MGMT: variants seen among roughly 807,000 people sequenced by gnomAD.
MGMT encodes the protein methylated-DNA--protein-cysteine methyltransferase.
In MGMT, 14 loss-of-function variants were observed where a neutral mutation model predicts 15.9. The ratio of observed to expected loss-of-function variants is 0.88; its 90% CI spans 0.58 to 1.37. The LOEUF (loss-of-function observed/expected upper bound fraction) is 1.37, where lower values mean the gene tolerates loss of function less well. Ranked by LOEUF, MGMT falls within the 40% of genes most tolerant of loss-of-function variation. The pLI is 0.00. For missense variants in MGMT, 282 were observed against 268.1 expected, an observed-to-expected ratio of 1.05 and a Z score of -0.36; for synonymous variants, 130 against 118.2, an observed-to-expected ratio of 1.10 and a Z score of -0.65.
intron 2 of MGMT, among the ~76,000 whole-genome samples, chr10:129,546,750 A>G (rs1420645897): frequency 6.6e-6 from 1 of 152,184 alleles, no homozygotes; most frequent in South Asian, 2.1e-4. Flanking sequence ...CACTGACGTC[A>G]GATCTTCTTC....
chr10:129,468,710 C>A (rs991570279), intron 1 of MGMT, among the ~76,000 whole-genome samples: 1 of 151,976 alleles, frequency 6.6e-6, no homozygotes, highest in East Asian at 1.9e-4. Context: ...CATGGTGAAA[C>A]CCAGTTTCTA....
chr10:129,574,179 A>C (rs949280200), intron 2 of MGMT, among the ~76,000 whole-genome samples: 3 of 152,230 alleles, frequency 2.0e-5, no homozygotes, highest in African/African-American at 7.2e-5. Flanking sequence ...AAATAGTTTG[A>C]GCCTCACCTA....
chr10:129,624,048 G>A (rs192238940), intron 2 of MGMT, among the ~76,000 whole-genome samples: 3 of 152,252 alleles, frequency 2.0e-5, no homozygotes, highest in African/African-American at 4.8e-5. Context: ...GTCTGAGTTC[G>A]ATGGGGCCTC....
intron 2 of MGMT, among the ~76,000 whole-genome samples, chr10:129,693,174 A>G (rs1455708134): frequency 6.6e-6 from 1 of 152,224 alleles, no homozygotes; most frequent in African/African-American, 2.4e-5. Flanking sequence ...GGAAAGGAGA[A>G]CTGATGCGAA....
chr10:129,511,137 ACG>A (rs1445627549), intron 1 of MGMT, among the ~76,000 whole-genome samples: 2 of 143,464 alleles, frequency 1.4e-5, no homozygotes, highest in Non-Finnish European at 3.0e-5. Context: ...AGATGCAGGC[ACG>A]TGCTTCATGT....
intron 3 of MGMT, among the ~76,000 whole-genome samples, chr10:129,737,248 G>T (rs1309185848): frequency 1.3e-5 from 2 of 152,148 alleles, no homozygotes; most frequent in African/African-American, 4.8e-5. Context: ...CTTGGAGGCT[G>T]TGCGCGTTTC....
At position 129,676,194 on chromosome 10, in the gene MGMT, C is replaced by T. The variant is rs143495541; in HGVS notation, c.126-31701C>T. On this transcript the variant is annotated intron_variant, in intron 2 of 4. Transcript: ENST00000651593. ...AAGGCTGGACTCACCCCCGCCTTTCCCCAGGGCATTGGGCCGGATGTTACT... is the reference window on the plus strand; with the variant it reads ...AAGGCTGGACTCACCCCCGCCTTTCTCCAGGGCATTGGGCCGGATGTTACT... 8.5e-4 allele frequency among the ~76,000 whole-genome samples: 130 copies of T among 152,344 alleles called. No individual in the cohort carries two copies. In the Middle Eastern group the frequency reaches 0.014, roughly 16 times the overall value.
At chr10:129,616,295 A>G (rs1847025673) in intron 2 of MGMT, among the ~76,000 whole-genome samples, 1 of 152,204 alleles carries the variant, frequency 6.6e-6, no homozygotes, top group Non-Finnish European at 1.5e-5. Flanking sequence ...TGCGATGCTC[A>G]TCGTGAAGAT....
rs149564615 is a variant in MGMT at position 129,691,593 on chromosome 10, C to T, written c.126-16302C>T. Reference sequence around the variant, plus strand: ...GGGAGCAGAGAGGCTTGAAAATAAACGGCGGTGGCCGGGGGGAGCACAAAG... The same window carrying T: ...GGGAGCAGAGAGGCTTGAAAATAAATGGCGGTGGCCGGGGGGAGCACAAAG... On this transcript the variant is annotated intron_variant, in intron 2 of 4. Coordinates refer to ENST00000651593, the MANE Select transcript of MGMT (RefSeq NM_002412.5). Among the ~76,000 whole-genome samples the T allele has an allele frequency of 6.5e-3, 997 of 152,224 alleles. 14 individuals carry two copies. Among genetic ancestry groups the T allele is most frequent in the African/African-American group, 0.023 (943 of 41,546 alleles).
At chr10:129,487,371 G>C (rs1170744685) in intron 1 of MGMT, among the ~76,000 whole-genome samples, 5 of 152,128 alleles carry the variant, frequency 3.3e-5, no homozygotes. Flanking sequence ...GGAAGTAAAG[G>C]AGAAAATGGG....
At chr10:129,587,883 T>C (rs1846635644) in intron 2 of MGMT, among the ~76,000 whole-genome samples, 1 of 152,240 alleles carries the variant, frequency 6.6e-6, no homozygotes, top group African/African-American at 2.4e-5. Context: ...TATTCTTTTA[T>C]GCTTTTCTTG....
intron 2 of MGMT, among the ~76,000 whole-genome samples, chr10:129,562,165 C>G (rs2119811314): frequency 6.6e-6 from 1 of 152,294 alleles, no homozygotes; most frequent in Admixed American, 6.5e-5. Flanking sequence ...ATATACCATT[C>G]ATGACCAAAA....
At chr10:129,584,753 G>T (rs1377426158) in intron 2 of MGMT, among the ~76,000 whole-genome samples, 1 of 152,156 alleles carries the variant, frequency 6.6e-6, no homozygotes, top group Non-Finnish European at 1.5e-5. Flanking sequence ...GGCCTTTTGT[G>T]CCTGGTTCCT....
intron 2 of MGMT, among the ~76,000 whole-genome samples, chr10:129,706,092 C>A (rs989733898): frequency 6.6e-6 from 1 of 152,230 alleles, no homozygotes; most frequent in Non-Finnish European, 1.5e-5. Flanking sequence ...CCCCAGCCCC[C>A]ACCAGTCACA....
At chr10:129,480,707 G>A (rs555193555) in intron 1 of MGMT, among the ~76,000 whole-genome samples, 8 of 152,116 alleles carry the variant, frequency 5.3e-5, no homozygotes, top group East Asian at 1.9e-4. Context: ...GCAAGATCCC[G>A]TCTCTACAAA....
intron 2 of MGMT, among the ~76,000 whole-genome samples, chr10:129,583,291 A>T (rs1277829193): frequency 6.6e-6 from 1 of 152,244 alleles, no homozygotes; most frequent in Non-Finnish European, 1.5e-5. Flanking sequence ...TAAAATCAAC[A>T]TAAAAATAAA....
chr10:129,596,857 A>G (rs547002148), intron 2 of MGMT, among the ~76,000 whole-genome samples: 1 of 152,276 alleles, frequency 6.6e-6, no homozygotes, highest in South Asian at 2.1e-4. Context: ...GATGATAGCC[A>G]GGAAAGAGAG....
intron 2 of MGMT, among the ~76,000 whole-genome samples, chr10:129,609,195 A>G (rs944754944): frequency 2.0e-5 from 3 of 152,284 alleles, no homozygotes; most frequent in East Asian, 1.9e-4. Flanking sequence ...GAGGTTGTCT[A>G]CAGCCTTTCT....
Position 129,536,377 on chromosome 10 carries a change from A to C in MGMT, c.125A>C (p.Asp42Ala), listed in dbSNP as rs375192201. Residue 42 changes from aspartate (D) to alanine (A), a missense_variant and splice_region_variant, in exon 2 of 5, where the codon GAT becomes GCT. Asp to Ala is a moderately radical substitution (Grantham distance 126, BLOSUM62 -2). Coordinates refer to ENST00000651593, the MANE Select transcript of MGMT (RefSeq NM_002412.5). ...KLLGKGTSAA[D>A]AVEVPAPAAV... ...CTGGGCAAGGGGACGTCTGCAGCTG[A>C]GTAAGTATGAGCCCACGTGATCCTG... is the stretch of plus-strand genomic sequence containing the variant. The C allele has an allele frequency of 4.3e-6, 7 of 1,612,186 alleles. No individual in the cohort carries two copies. The African/African-American group carries it at 9.4e-5, about 22-fold the overall frequency.
Sources: gnomAD v4.1 joint callset for allele counts (sites outside exome capture counted in the v4.1 genomes callset) on GRCh38, gnomAD v4.1.1 for gene constraint, MANE v1.5 for transcripts, NCBI Gene and HGNC (gene_info 2026-07-23, HGNC 2026-07-21) for gene names.